Variants in NUDT7 observed in about 807,000 individuals in gnomAD.
NUDT7 encodes nudix hydrolase 7.
In NUDT7, 19 loss-of-function variants were observed where a neutral mutation model predicts 13.1. The ratio of observed to expected loss-of-function variants is 1.45; its 90% CI spans 1.01 to 2.13. The LOEUF (loss-of-function observed/expected upper bound fraction) is 2.13. NUDT7 is among the 30% of genes most tolerant of loss of function. NUDT7 has a pLI of 0.00. For missense variants in NUDT7, 360 were observed against 291.7 expected (o/e 1.23, Z -1.71); for synonymous variants, 132 against 109.7 (o/e 1.20, Z -1.27).
chr16:77,725,086 T>C (rs528757211), intron 1 of NUDT7, among the ~76,000 whole-genome samples: 1 of 152,370 alleles, frequency 6.6e-6, no homozygotes, highest in Non-Finnish European at 1.5e-5. Flanking sequence ...TCTAACCTTC[T>C]AACCTTAACA....
intron 1 of NUDT7, 97 bp downstream of exon 1, chr16:77,722,714 C>A: frequency 8.4e-7 from 1 of 1,192,356 alleles, no homozygotes; most frequent in Non-Finnish European, 1.2e-6. Flanking sequence ...ACTGATTTTG[C>A]AGCTCCCGCC....
chr16:77,723,580 C>T (rs978434370), intron 1 of NUDT7, among the ~76,000 whole-genome samples: 3 of 141,148 alleles, frequency 2.1e-5, no homozygotes, highest in Non-Finnish European at 4.5e-5. Flanking sequence ...TCAGAGAAGT[C>T]ATTTGTATAC....
At chr16:77,736,545 C>T (rs188144350) in intron 3 of NUDT7, 1 of 163,860 alleles carries the variant, frequency 6.1e-6, no homozygotes, top group African/African-American at 2.4e-5. Flanking sequence ...ATCAGGATTT[C>T]CTTGATAGTA....
At chr16:77,741,303 C>T (rs1232973953) in intron 3 of NUDT7, among the ~76,000 whole-genome samples, 7 of 152,144 alleles carry the variant, frequency 4.6e-5, no homozygotes, top group Non-Finnish European at 1.0e-4. Flanking sequence ...TCAAAGCGAA[C>T]ACATTTTTAT....
At chr16:77,729,127 G>C (rs2145110343) in intron 2 of NUDT7, among the ~76,000 whole-genome samples, 1 of 152,252 alleles carries the variant, frequency 6.6e-6, no homozygotes, top group South Asian at 2.1e-4. Context: ...AAAAATAACT[G>C]ACCGCTTTTG....
chr16:77,726,115 T>C (rs1399039695), intron 2 of NUDT7, among the ~76,000 whole-genome samples: 1 of 152,218 alleles, frequency 6.6e-6, no homozygotes, highest in African/African-American at 2.4e-5. Context: ...GTGAAAATAC[T>C]AGAGCATAGA....
intron 2 of NUDT7, among the ~76,000 whole-genome samples, chr16:77,728,252 A>G (rs2014203155): frequency 1.3e-5 from 2 of 152,066 alleles, no homozygotes. Context: ...CTTTTTTTTC[A>G]GAAGGATTCT....
At chr16:77,732,227 C>G (rs2014339953) in intron 2 of NUDT7, among the ~76,000 whole-genome samples, 1 of 151,706 alleles carries the variant, frequency 6.6e-6, no homozygotes. Context: ...ACTTGGGAGG[C>G]TGAGGCAGGA....
At chr16:77,727,868 A>C (rs2014187653) in intron 2 of NUDT7, among the ~76,000 whole-genome samples, 1 of 128,392 alleles carries the variant, frequency 7.8e-6, no homozygotes, top group Non-Finnish European at 1.6e-5. Flanking sequence ...ATAATGAATA[A>C]ATAAATAAAA....
In NUDT7 at chr16:77,741,887, T is replaced by C. The variant is rs1403615317; in HGVS notation, c.654T>C (p.Asp218=). 3 of 1,613,864 alleles carry C rather than the reference T, an allele frequency of 1.9e-6. No homozygotes were observed. The highest frequency in any genetic ancestry group is 3.3e-5 in the Admixed American group (2 of 59,966). Residue 218 remains aspartate (D), a synonymous_variant, in exon 4 of 4, where the codon GAT becomes GAC. Coordinates refer to ENST00000268533, the MANE Select transcript of NUDT7 (RefSeq NM_001105663.3). ...PTFEVQFNLN[D]VLASSEELFL... The stretch of plus-strand genomic sequence containing the variant: ...TTGAGGTTCAATTTAATCTTAATGA[T>C]GTATTAGCATCCTCTGAAGAGTTAT...
At chr16:77,736,991 T>G (rs2014507578) in intron 3 of NUDT7, among the ~76,000 whole-genome samples, 1 of 152,142 alleles carries the variant, frequency 6.6e-6, no homozygotes, top group South Asian at 2.1e-4. Flanking sequence ...AGTTTCCATA[T>G]GACCACATGG....
intron 1 of NUDT7, 121 bp from the exon 2 acceptor site, chr16:77,725,310 A>C (rs1270342202): frequency 1.2e-6 from 1 of 809,086 alleles, no homozygotes; most frequent in Non-Finnish European, 1.9e-6. Context: ...TGAAAAATAC[A>C]CAGAGAGTCA....
chr16:77,731,879 C>T (rs1224043087), intron 2 of NUDT7, among the ~76,000 whole-genome samples: 1 of 151,888 alleles, frequency 6.6e-6, no homozygotes, highest in African/African-American at 2.4e-5. Context: ...TAGAAAAAAG[C>T]TTCTAGAATA....
chr16:77,723,591 A>C (rs1324084121), intron 1 of NUDT7, among the ~76,000 whole-genome samples: 27 of 76,600 alleles, frequency 3.5e-4, no homozygotes, highest in East Asian at 8.3e-4. Context: ...ATTTGTATAC[A>C]CTTTTTTTTT....
chr16:77,727,183 C>G (rs78344350), intron 2 of NUDT7, among the ~76,000 whole-genome samples: 2 of 152,188 alleles, frequency 1.3e-5, no homozygotes, highest in Non-Finnish European at 2.9e-5. Flanking sequence ...TATCGAAACT[C>G]TACCACCCCC....
chr16:77,731,707 T>A (rs1302321015), intron 2 of NUDT7, among the ~76,000 whole-genome samples: 2 of 152,140 alleles, frequency 1.3e-5, no homozygotes, highest in Non-Finnish European at 1.5e-5. Context: ...ACACAGGCAT[T>A]GTTATTGTAG....
chr16:77,732,225 G>T (rs1275003958), intron 2 of NUDT7, among the ~76,000 whole-genome samples: 1 of 152,048 alleles, frequency 6.6e-6, no homozygotes, highest in African/African-American at 2.4e-5. Flanking sequence ...TTACTTGGGA[G>T]GCTGAGGCAG....
chr16:77,741,350 C>T (rs1474674597), intron 3 of NUDT7: 6 of 478,364 alleles, frequency 1.3e-5, no homozygotes, highest in Non-Finnish European at 2.2e-5. Context: ...GATTGTACTA[C>T]TTTATGTTCA....
In NUDT7 at chr16:77,722,616, A is replaced by C. The variant is rs372969143; in HGVS notation, c.34A>C (p.Arg12=). The change falls in exon 1 of 4, where the codon AGA becomes CGA. Residue 12 remains arginine, a splice_region_variant and synonymous_variant. Coordinates refer to ENST00000268533, the MANE Select transcript of NUDT7 (RefSeq NM_001105663.3). ...ACTTGGTCTTCCCGAGGAGCCAGTC[A>C]GGTAAAGGCTTTCCGGGCCCTGGCA... The part of the protein sequence containing the change: ...SRLGLPEEPV[R]NSLLDDAKAR... 3.1e-6 allele frequency: 5 copies of C among 1,593,844 alleles called. No homozygotes were observed. The Admixed American group carries it at 8.6e-5, about 27-fold the overall frequency.
Sources: gnomAD v4.1 joint callset for allele counts (sites outside exome capture counted in the v4.1 genomes callset) on GRCh38, gnomAD v4.1.1 for gene constraint, MANE v1.5 for transcripts, NCBI Gene and HGNC (gene_info 2026-07-23, HGNC 2026-07-21) for gene names.